The following DPP10 variants were observed in gnomAD, a reference collection of about 807,000 sequenced individuals.
DPP10 encodes the protein dipeptidyl peptidase like 10.
In DPP10, 33 loss-of-function variants were observed where a neutral mutation model predicts 120.9. The ratio of observed to expected loss-of-function variants is 0.27; its 90% CI spans 0.21 to 0.37. DPP10 has a LOEUF of 0.37. Ranked by LOEUF, DPP10 falls within the 10% of genes least tolerant of loss-of-function variation. The probability of loss-of-function intolerance (pLI) is 1.00; values close to 1 mark genes in which losing one functional copy is unlikely to be tolerated. For missense variants in DPP10, 816 were observed against 942.8 expected, an observed-to-expected ratio of 0.87 and a Z score of 1.76; for synonymous variants, 337 against 326.1, an observed-to-expected ratio of 1.03 and a Z score of -0.36.
intron 1 of DPP10, among the ~76,000 whole-genome samples, chr2:114,816,359 G>A (rs769754640): frequency 5.9e-5 from 9 of 152,186 alleles, no homozygotes; most frequent in Non-Finnish European, 1.3e-4. Context: ...ATAAACAAAT[G>A]AGCAGGCCTC....
intron 1 of DPP10, among the ~76,000 whole-genome samples, chr2:115,045,794 T>C (rs1189024070): frequency 6.6e-6 from 1 of 152,236 alleles, no homozygotes; most frequent in Non-Finnish European, 1.5e-5. Context: ...CTTGTGTGAA[T>C]AGTTGTTCAC....
At position 115,501,639 on chromosome 2, in the gene DPP10, G is replaced by A. The variant is rs917572557; in HGVS notation, c.366+2035G>A. Among the ~76,000 whole-genome samples the A allele has an allele frequency of 2.0e-5, 3 of 152,172 alleles. No homozygotes were observed. In the East Asian group the frequency reaches 5.8e-4, roughly 29 times the overall value. On this transcript the variant is annotated intron_variant, in intron 4 of 25. Coordinates refer to ENST00000410059, the MANE Select transcript of DPP10 (RefSeq NM_020868.6). ...TAAGCAATTTATAAGTCCTAGAGGT[G>A]TCTAAATTCGATGTCGGGCAGGGGT...
At chr2:115,336,823 T>C (rs1244424368) in intron 2 of DPP10, among the ~76,000 whole-genome samples, 1 of 151,994 alleles carries the variant, frequency 6.6e-6, no homozygotes, top group Non-Finnish European at 1.5e-5. Context: ...TGATTTACAA[T>C]CTAATATTTT....
chr2:114,666,729 G>A (rs528376999), intron 1 of DPP10, among the ~76,000 whole-genome samples: 1 of 152,252 alleles, frequency 6.6e-6, no homozygotes. Flanking sequence ...CTTGGACCCA[G>A]AAGGGGCAGA....
At chr2:114,510,430 C>T (rs1369382358) in intron 1 of DPP10, among the ~76,000 whole-genome samples, 1 of 152,036 alleles carries the variant, frequency 6.6e-6, no homozygotes, top group Non-Finnish European at 1.5e-5. Context: ...ATGGCGAAAA[C>T]CTGTCTCTAC....
At chr2:115,629,593 T>C (rs1412077236) in intron 5 of DPP10, among the ~76,000 whole-genome samples, 1 of 152,230 alleles carries the variant, frequency 6.6e-6, no homozygotes, top group East Asian at 1.9e-4. Flanking sequence ...CATGTGTTTT[T>C]TGGCTGCATA....
chr2:114,450,329 A>G (rs1321986000), intron 1 of DPP10, among the ~76,000 whole-genome samples: 2 of 152,122 alleles, frequency 1.3e-5, no homozygotes, highest in South Asian at 2.1e-4. Flanking sequence ...CGATGTTCTC[A>G]TATAGTCTTC....
chr2:114,472,762 G>T (rs1680031079), intron 1 of DPP10, among the ~76,000 whole-genome samples: 1 of 152,140 alleles, frequency 6.6e-6, no homozygotes, highest in South Asian at 2.1e-4. Context: ...TTTGGTATTT[G>T]TTTTTATTCT....
intron 1 of DPP10, among the ~76,000 whole-genome samples, chr2:114,811,519 C>T (rs575290654): frequency 1.1e-3 from 168 of 152,096 alleles, no homozygotes; most frequent in African/African-American, 3.3e-3. Context: ...CACCACCATC[C>T]GTTCCACCAT....
At chr2:115,026,175 T>C (rs1016161460) in intron 1 of DPP10, among the ~76,000 whole-genome samples, 1 of 152,202 alleles carries the variant, frequency 6.6e-6, no homozygotes, top group African/African-American at 2.4e-5. Flanking sequence ...AAAACTTAGA[T>C]ATGATTTTTA....
At chr2:115,549,182 G>A (rs1019355719) in intron 5 of DPP10, among the ~76,000 whole-genome samples, 2 of 152,094 alleles carry the variant, frequency 1.3e-5, no homozygotes, top group African/African-American at 4.8e-5. Flanking sequence ...AATCTTAAAT[G>A]GTCCAGTGCC....
At chr2:114,641,495 G>T (rs1695703097) in intron 1 of DPP10, among the ~76,000 whole-genome samples, 1 of 151,952 alleles carries the variant, frequency 6.6e-6, no homozygotes. Context: ...TCTGGATGCT[G>T]CCAAAGTGAG....
At chr2:115,383,156 G>C (rs577867544) in intron 3 of DPP10, among the ~76,000 whole-genome samples, 1 of 152,188 alleles carries the variant, frequency 6.6e-6, no homozygotes, top group Non-Finnish European at 1.5e-5. Flanking sequence ...GAGTGATGAT[G>C]TGGTTTGGCT....
intron 3 of DPP10, among the ~76,000 whole-genome samples, chr2:115,377,692 C>T (rs1331357019): frequency 6.6e-6 from 1 of 152,042 alleles, no homozygotes; most frequent in African/African-American, 2.4e-5. Context: ...TTAGGTTTAT[C>T]GTTTAAGTCT....
intron 1 of DPP10, among the ~76,000 whole-genome samples, chr2:114,460,197 CTATCT>C (rs1035957968): frequency 6.6e-6 from 1 of 151,752 alleles, no homozygotes; most frequent in Non-Finnish European, 1.5e-5. Context: ...ATCTATCTAT[CTATCT>C]ATCTATCTAT....
chr2:115,774,813 A>G (rs894585168), intron 13 of DPP10, among the ~76,000 whole-genome samples: 3 of 152,156 alleles, frequency 2.0e-5, no homozygotes, highest in African/African-American at 7.2e-5. Flanking sequence ...GCAGTAAAGT[A>G]TGGAATGCCC....
At chr2:114,516,397 C>T (rs907256757) in intron 1 of DPP10, among the ~76,000 whole-genome samples, 5 of 152,158 alleles carry the variant, frequency 3.3e-5, no homozygotes, top group Non-Finnish European at 7.3e-5. Flanking sequence ...TTGCTCCAGC[C>T]CTGCTGTGAT....
chr2:115,578,535 C>T (rs1007941417), intron 5 of DPP10, among the ~76,000 whole-genome samples: 1 of 152,118 alleles, frequency 6.6e-6, no homozygotes. Context: ...GCCCCATTTG[C>T]ATTCAGTCCT....
At chr2:115,489,172 C>G (rs1468052893) in intron 3 of DPP10, among the ~76,000 whole-genome samples, 1 of 152,034 alleles carries the variant, frequency 6.6e-6, no homozygotes, top group Non-Finnish European at 1.5e-5. Context: ...TTCTCTGTTG[C>G]AACTACTCAA....
Sources: gnomAD v4.1 joint callset for allele counts (sites outside exome capture counted in the v4.1 genomes callset) on GRCh38, gnomAD v4.1.1 for gene constraint, MANE v1.5 for transcripts, NCBI Gene and HGNC (gene_info 2026-07-23, HGNC 2026-07-21) for gene names.